C4orf51: variants seen among roughly 807,000 people sequenced by gnomAD.
C4orf51 encodes chromosome 4 open reading frame 51.
Under a neutral mutation model 25.2 loss-of-function variants are expected in C4orf51, and 25 were observed. The observed-to-expected ratio is 0.99, with a 90% CI of 0.72 to 1.39. The LOEUF (loss-of-function observed/expected upper bound fraction) is 1.39, where lower values mean the gene tolerates loss of function less well. Among genes scored for constraint, C4orf51 ranks in the 40% most tolerant of loss-of-function variants. The pLI, the probability that C4orf51 is intolerant of heterozygous loss-of-function variation, is 0.00. For missense variants in C4orf51, 252 were observed against 239.6 expected (o/e 1.05, Z -0.34); for synonymous variants, 100 against 84.5 (o/e 1.18, Z -1.01).
chr4:145,719,160 A>C (rs77255230), intron 2 of C4orf51, among the ~76,000 whole-genome samples: 6,473 of 152,230 alleles, frequency 0.043, 395 homozygotes, highest in African/African-American at 0.14. Context: ...ATTGTTTGTC[A>C]TTGTTTGTTG....
chr4:145,723,961 GA>G (rs1731898108), intron 2 of C4orf51, among the ~76,000 whole-genome samples: 2 of 152,138 alleles, frequency 1.3e-5, no homozygotes, highest in Middle Eastern at 3.2e-3. Flanking sequence ...AAGAAAATGA[GA>G]GACATTTCTA....
At chr4:145,771,329 C>A (rs115480040), downstream of C4orf51, among the ~76,000 whole-genome samples, 481 of 152,268 alleles carry the variant, frequency 3.2e-3, 1 homozygote, top group African/African-American at 0.011. Context: ...ATCCTTCTAG[C>A]TCTGGAAGCT....
chr4:145,751,478 T>G (rs1733672348), intron 1 of C4orf51, among the ~76,000 whole-genome samples: 1 of 152,128 alleles, frequency 6.6e-6, no homozygotes, highest in South Asian at 2.1e-4. Flanking sequence ...TCCCTTACTT[T>G]CTCCCAAACA....
chr4:145,768,097 C>T (rs1398056879), intron 1 of C4orf51, among the ~76,000 whole-genome samples: 4 of 152,114 alleles, frequency 2.6e-5, no homozygotes, highest in South Asian at 2.1e-4. Context: ...AGTCTACTTG[C>T]GTGAGGTTCT....
intron 2 of C4orf51, among the ~76,000 whole-genome samples, chr4:145,716,932 G>T (rs10009831): frequency 0.1 from 15,520 of 152,134 alleles, 923 homozygotes; most frequent in Middle Eastern, 0.15. Context: ...TCTTCCCTTT[G>T]CAGTAAAGAA....
chr4:145,698,741 GA>G (rs1388441344), intron 2 of C4orf51, among the ~76,000 whole-genome samples: 1 of 152,158 alleles, frequency 6.6e-6, no homozygotes, highest in African/African-American at 2.4e-5. Context: ...TGGCCAAGGG[GA>G]AGCTCCACCA....
At chr4:145,773,038 G>A (rs1394343959), downstream of C4orf51, among the ~76,000 whole-genome samples, 1 of 152,152 alleles carries the variant, frequency 6.6e-6, no homozygotes, top group Non-Finnish European at 1.5e-5. Context: ...GGATGGGAGG[G>A]AGGAAGGTTT....
intron 2 of C4orf51, 89 bp downstream of exon 2, chr4:145,696,721 C>G: frequency 5.2e-6 from 5 of 954,472 alleles, no homozygotes; most frequent in Non-Finnish European, 8.1e-6. Context: ...TCTCACTTTA[C>G]TGAGATATGA....
At chr4:145,759,063 C>G (rs1053734032), downstream of C4orf51, 5 of 152,176 alleles carry the variant, frequency 3.3e-5, no homozygotes, top group African/African-American at 1.2e-4. Flanking sequence ...AAAACCCCAA[C>G]TCTTAGGATA....
the C4orf51 span, among the ~76,000 whole-genome samples, chr4:145,777,956 T>A: frequency 6.6e-6 from 1 of 152,174 alleles, no homozygotes; most frequent in Non-Finnish European, 1.5e-5. Flanking sequence ...CCCTTACTTA[T>A]TTAAAATTTC....
Position 145,765,231 on chromosome 4 carries a change from C to T in C4orf51, n.167-5757C>T, listed in dbSNP as rs1013394667. The T allele has an allele frequency of 6.7e-7, 1 of 1,482,986 alleles. No homozygotes were observed. The highest frequency in any genetic ancestry group is 9.0e-7 in the Non-Finnish European group (1 of 1,108,424). 91.9% of individuals were successfully genotyped at this position (1,482,986 alleles called of 1,614,324 possible). ...CGGGGAGAGGAGGGCAGGAGTGGAG[C>T]CAAGCTCCTCCCCACTTCCTCCCGC... On this transcript the variant is annotated intron_variant and non_coding_transcript_variant, in intron 1 of 1. Transcript: ENST00000510096. This position sits in a 1 kb window ranked among gnomAD's most constrained non-coding sequence, Gnocchi z 4.7.
intron 2 of C4orf51, among the ~76,000 whole-genome samples, chr4:145,702,828 T>C (rs138765117): frequency 0.029 from 4,454 of 151,272 alleles, 85 homozygotes; most frequent in Non-Finnish European, 0.042. Flanking sequence ...TCATTCTATA[T>C]GACAAATGTT....
At chr4:145,714,089 A>G (rs933884581) in intron 2 of C4orf51, among the ~76,000 whole-genome samples, 4 of 152,072 alleles carry the variant, frequency 2.6e-5, no homozygotes, top group African/African-American at 9.7e-5. Context: ...GGCTCATTTT[A>G]TTTTTAGACA....
At chr4:145,702,324 T>A (rs1439835634) in intron 2 of C4orf51, among the ~76,000 whole-genome samples, 5 of 151,848 alleles carry the variant, frequency 3.3e-5, no homozygotes, top group African/African-American at 1.2e-4. Context: ...TACCCATTAT[T>A]CTGTTCTGGA....
intron 1 of C4orf51, among the ~76,000 whole-genome samples, chr4:145,694,109 C>T (rs865878785): frequency 7.5e-4 from 99 of 131,872 alleles, no homozygotes; most frequent in African/African-American, 2.7e-3. Context: ...CCAGATGGGG[C>T]GGCGGGGCAG....
intron 2 of C4orf51, among the ~76,000 whole-genome samples, chr4:145,719,903 C>T (rs1035127823): frequency 6.6e-6 from 1 of 152,114 alleles, no homozygotes; most frequent in African/African-American, 2.4e-5. Context: ...GGGCAGGTGA[C>T]TTGCTGGTGG....
chr4:145,744,747 G>A (rs1733275801), intron 1 of C4orf51, among the ~76,000 whole-genome samples: 1 of 152,040 alleles, frequency 6.6e-6, no homozygotes, highest in South Asian at 2.1e-4. Flanking sequence ...CAGCTACTCG[G>A]GAGGCTGAGG....
chr4:145,768,967 G>A (rs372532624), intron 1 of C4orf51, among the ~76,000 whole-genome samples: 8 of 132,642 alleles, frequency 6.0e-5, no homozygotes, highest in African/African-American at 2.2e-4. Context: ...TACATCTAGA[G>A]TGTAAAATTA....
At chr4:145,781,692 A>G in the C4orf51 span, among the ~76,000 whole-genome samples, 146,057 of 152,298 alleles carry the variant, frequency 0.96, 70,101 homozygotes, top group African/African-American at 0.99. Flanking sequence ...ACTCTTAAAC[A>G]GCTGTCCTTG....
Sources: allele counts gnomAD v4.1 joint callset (sites outside exome capture counted in the v4.1 genomes callset), GRCh38; gene constraint gnomAD v4.1.1; non-coding constraint Gnocchi (gnomAD v3.1); transcripts MANE v1.5; gene names NCBI Gene and HGNC (gene_info 2026-07-23, HGNC 2026-07-21).